The following AFAP1 variants were observed in gnomAD, a reference collection of about 807,000 sequenced individuals.
The protein encoded by AFAP1 is actin filament-associated protein 1.
AFAP1 carries 75 observed loss-of-function variants against 93.9 expected under a neutral mutation model. The observed-to-expected ratio is 0.80, with a 90% CI of 0.66 to 0.97. The LOEUF is 0.97. Among genes scored for constraint, AFAP1 ranks in the 50% least tolerant of loss-of-function variants. The probability of loss-of-function intolerance (pLI) is 0.00; values close to 1 mark genes in which losing one functional copy is unlikely to be tolerated. For synonymous variants in AFAP1, 517 were observed against 430.7 expected, an observed-to-expected ratio of 1.20 and a Z score of -2.48; for missense variants, 1,201 against 1,050.8, an observed-to-expected ratio of 1.14 and a Z score of -1.98.
chr4:7,835,937 A>G (rs1712243216), intron 6 of AFAP1, among the ~76,000 whole-genome samples: 1 of 152,106 alleles, frequency 6.6e-6, no homozygotes, highest in Non-Finnish European at 1.5e-5. Flanking sequence ...GAATAAACTA[A>G]TTTTGGAGCG....
rs187987849 is a variant in AFAP1 at position 7,898,485 on chromosome 4, T to C, written c.-2-26405A>G. On this transcript the variant is annotated intron_variant, in intron 1 of 17. Coordinates refer to ENST00000420658, the MANE Select transcript of AFAP1 (RefSeq NM_001134647.2). ...CCCTACCCTGCATTCTACCTTCCAC[T>C]CTCAAACATTTCAGGAAAAAAAAAT... Among the ~76,000 whole-genome samples the C allele has an allele frequency of 2.7e-3, 417 of 151,654 alleles. 2 individuals carry two copies. Among genetic ancestry groups the C allele is most frequent in the Non-Finnish European group, 4.8e-3 (324 of 67,912 alleles).
intron 1 of AFAP1, among the ~76,000 whole-genome samples, chr4:7,929,181 T>C (rs1351573815): frequency 1.3e-5 from 2 of 149,034 alleles, no homozygotes; most frequent in African/African-American, 5.2e-5. Flanking sequence ...GTACAACAGC[T>C]TTCTTTGTCC....
chr4:7,800,155 G>C (rs1718885209), intron 10 of AFAP1, among the ~76,000 whole-genome samples: 1 of 152,192 alleles, frequency 6.6e-6, no homozygotes, highest in African/African-American at 2.4e-5. Flanking sequence ...CCTGCAACCA[G>C]GCATAAAGAG....
intron 6 of AFAP1, among the ~76,000 whole-genome samples, chr4:7,830,442 G>A (rs1034406100): frequency 1.3e-4 from 20 of 152,180 alleles, no homozygotes; most frequent in Non-Finnish European, 2.5e-4. Flanking sequence ...GCAACAGCCC[G>A]TGAGCACAAA....
At chr4:7,822,228 C>T (rs1721029033) in intron 6 of AFAP1, among the ~76,000 whole-genome samples, 1 of 152,146 alleles carries the variant, frequency 6.6e-6, no homozygotes. Flanking sequence ...CCCAGGTGGA[C>T]CACTTGCTGT....
chr4:7,861,638 C>T (rs1239809395), intron 3 of AFAP1, among the ~76,000 whole-genome samples: 2 of 152,224 alleles, frequency 1.3e-5, no homozygotes, highest in African/African-American at 4.8e-5. Context: ...CCTTTTCCAT[C>T]AGCAGGCAGG....
intron 1 of AFAP1, among the ~76,000 whole-genome samples, chr4:7,937,230 T>C (rs1405032062): frequency 1.3e-5 from 2 of 152,214 alleles, no homozygotes; most frequent in Non-Finnish European, 2.9e-5. Context: ...GTAACTCAAC[T>C]TGTTTAAAAG....
rs1713555363 is a variant in AFAP1, at chr4:7,760,015, T to C, written c.*3750A>G. On this transcript the variant is annotated 3_prime_UTR_variant, in exon 18 of 18. Coordinates refer to ENST00000420658, the MANE Select transcript of AFAP1 (RefSeq NM_001134647.2). ...CCAAATAGTGGGTGAGTAGAATTAATAGCCTTTTTGGAAAGGGAAGGTGTG... is the reference window on the plus strand; with the variant it reads ...CCAAATAGTGGGTGAGTAGAATTAACAGCCTTTTTGGAAAGGGAAGGTGTG... The C allele has an allele frequency of 6.6e-6, 1 of 152,250 alleles. No individual in the cohort carries two copies. Among genetic ancestry groups the C allele is most frequent in the Non-Finnish European group, 1.5e-5 (1 of 68,042 alleles). 9.4% of individuals were successfully genotyped at this position (152,250 alleles called of 1,614,324 possible). A position where few individuals can be genotyped will look rare whatever the true frequency, so the allele number is the denominator to read the frequency against.
At chr4:7,766,029 G>A (rs570759707) in intron 17 of AFAP1, among the ~76,000 whole-genome samples, 4 of 152,276 alleles carry the variant, frequency 2.6e-5, no homozygotes, top group East Asian at 3.9e-4. Context: ...GCACGTCTCC[G>A]CATGCTGCAT....
At chr4:7,770,871 A>T (rs1292302587) in intron 16 of AFAP1, among the ~76,000 whole-genome samples, 1 of 152,116 alleles carries the variant, frequency 6.6e-6, no homozygotes, top group Non-Finnish European at 1.5e-5. Context: ...CAGATCACAG[A>T]GGGAGGGGCA....
intron 1 of AFAP1, among the ~76,000 whole-genome samples, chr4:7,900,291 G>C (rs777608018): frequency 5.5e-5 from 6 of 109,564 alleles, no homozygotes; most frequent in Non-Finnish European, 8.3e-5. Context: ...ACCCCCCCAA[G>C]AATGTCTTTG....
intron 10 of AFAP1, among the ~76,000 whole-genome samples, chr4:7,797,561 G>T (rs188001223): frequency 6.6e-5 from 10 of 152,304 alleles, no homozygotes; most frequent in African/African-American, 2.2e-4. Flanking sequence ...CAGAAAAGCA[G>T]TCTCCTTCCT....
At chr4:7,938,458 A>G (rs967275121) in intron 1 of AFAP1, among the ~76,000 whole-genome samples, 4 of 152,262 alleles carry the variant, frequency 2.6e-5, no homozygotes, top group African/African-American at 7.2e-5. Flanking sequence ...AGCATTCACT[A>G]AGGAGTGATT....
At chr4:7,770,356 G>A (rs1335579976) in intron 16 of AFAP1, among the ~76,000 whole-genome samples, 1 of 152,172 alleles carries the variant, frequency 6.6e-6, no homozygotes, top group Non-Finnish European at 1.5e-5. Flanking sequence ...CCGGAACCGG[G>A]GAGTGAGGAC....
chr4:7,891,381 C>T (rs1169832625), intron 1 of AFAP1, among the ~76,000 whole-genome samples: 1 of 152,096 alleles, frequency 6.6e-6, no homozygotes, highest in Non-Finnish European at 1.5e-5. Context: ...AGGTAGAGAA[C>T]CAAGGACCAG....
chr4:7,807,753 GC>G (rs1719653330), intron 9 of AFAP1, among the ~76,000 whole-genome samples: 1 of 152,184 alleles, frequency 6.6e-6, no homozygotes, highest in Non-Finnish European at 1.5e-5. Context: ...TCAGTATGAC[GC>G]AACTTCCCAG....
chr4:7,891,545 C>A (rs945222570), intron 1 of AFAP1, among the ~76,000 whole-genome samples: 3 of 151,962 alleles, frequency 2.0e-5, no homozygotes, highest in African/African-American at 7.3e-5. Flanking sequence ...ACTGGCTGAG[C>A]ATATTAAGAG....
intron 10 of AFAP1, among the ~76,000 whole-genome samples, chr4:7,795,260 G>A (rs1432657757): frequency 6.6e-6 from 1 of 152,108 alleles, no homozygotes; most frequent in Non-Finnish European, 1.5e-5. Context: ...CAAAGGGAAG[G>A]AGTGCCCATT....
intron 10 of AFAP1, 118 bp downstream of exon 10, chr4:7,800,324 A>G: frequency 9.5e-7 from 1 of 1,048,544 alleles, no homozygotes; most frequent in Non-Finnish European, 1.4e-6. Flanking sequence ...GTGGGCCCAA[A>G]AGAGGTACTG....
Sources: gnomAD v4.1 joint callset for allele counts (sites outside exome capture counted in the v4.1 genomes callset) on GRCh38, gnomAD v4.1.1 for gene constraint, MANE v1.5 for transcripts, NCBI Gene and HGNC (gene_info 2026-07-23, HGNC 2026-07-21) for gene names.